ACTN3: variants seen among roughly 807,000 people sequenced by gnomAD.
ACTN3 encodes alpha-actinin-3.
Under a neutral mutation model 119.6 loss-of-function variants are expected in ACTN3, and 91 were observed. That is an observed-to-expected ratio of 0.76 (90% CI 0.64 to 0.91). ACTN3 has a LOEUF of 0.91. Among genes scored for constraint, ACTN3 ranks in the 40% least tolerant of loss-of-function variants. ACTN3 has a pLI of 0.00. For missense variants in ACTN3, 1,221 were observed against 1,215.1 expected (o/e 1.00, Z -0.07); for synonymous variants, 456 against 478.8 (o/e 0.95, Z 0.62).
chr11:66,559,709 G>A (rs1371558738), intron 12 of ACTN3, among the ~76,000 whole-genome samples: 1 of 122,544 alleles, frequency 8.2e-6, no homozygotes, highest in African/African-American at 3.1e-5. Context: ...CCCCTCCCAT[G>A]AACCCGCCCC....
chr11:66,561,919 G>A (rs1320567365), intron 17 of ACTN3, 103 bp from the exon 18 acceptor site: 3 of 1,405,846 alleles, frequency 2.1e-6, no homozygotes, highest in East Asian at 2.5e-5. Context: ...GCCCAGTGAG[G>A]GGGAGGACTT....
Position 66,560,072 on chromosome 11 carries a change from T to C in ACTN3, c.1532T>C (p.Leu511Pro), listed in dbSNP as rs767962909. The change falls in exon 13 of 21, where the codon CTA (leucine) becomes CCA (proline). Residue 511 changes from leucine to proline, a missense_variant. Physicochemically the swap from Leu to Pro is moderately conservative, Grantham distance 98 (BLOSUM62 -3). This residue lies in a region of ACTN3 where 934 missense variants were observed against 899.9 expected (regional missense o/e 1.04). Transcript: ENST00000513398. Reference sequence around the variant, plus strand: ...CTGACCCAGAAGAGGCGGGATGCGCTAGAGGTGGGGCTGGGGGCCGGGGAG... The same window carrying C: ...CTGACCCAGAAGAGGCGGGATGCGCCAGAGGTGGGGCTGGGGGCCGGGGAG... ...GTLTQKRRDA[L>P]ERMEKLLETI... 2.4e-5 allele frequency: 37 copies of C among 1,571,940 alleles called. No individual in the cohort carries two copies. The highest frequency in any genetic ancestry group is 1.3e-4 in the South Asian group (11 of 86,438).
At position 66,554,185 on chromosome 11, in the gene ACTN3, C is replaced by G; in HGVS notation, c.469+54C>G. ...AGGTGCAGTGGCTGGGGCCTGTAATCCCCACAGTTTGGGAGGTCGAGGCGG... is the reference window on the plus strand; with the variant it reads ...AGGTGCAGTGGCTGGGGCCTGTAATGCCCACAGTTTGGGAGGTCGAGGCGG... On this transcript the variant is annotated intron_variant, in intron 4 of 20. Transcript: ENST00000513398. 3 of 1,537,112 alleles carry G rather than the reference C, an allele frequency of 2.0e-6. No individual in the cohort carries two copies. In the Admixed American group the frequency reaches 5.1e-5, roughly 26 times the overall value.
rs372101780 is a variant in ACTN3, at chr11:66,560,232, C to A, written c.1598C>A (p.Ala533Glu). 5.6e-6 allele frequency: 9 copies of A among 1,612,384 alleles called. No individual in the cohort carries two copies. Among genetic ancestry groups the A allele is most frequent in the Non-Finnish European group, 7.6e-6 (9 of 1,179,294 alleles). The part of the protein sequence containing the change: ...RLQLEFARRA[A>E]PFNNWLDGAV... ...CAACTGGAGTTTGCCCGGCGGGCCGCGCCCTTCAACAACTGGCTGGATGGT... is the reference window on the plus strand; with the variant it reads ...CAACTGGAGTTTGCCCGGCGGGCCGAGCCCTTCAACAACTGGCTGGATGGT... Residue 533 changes from alanine (A) to glutamate (E), a missense_variant, in exon 14 of 21, where the codon GCG becomes GAG. Around this residue, in one of 3 missense-constraint regions of ACTN3, gnomAD observed 934 missense variants for 899.9 expected, o/e 1.04. Coordinates refer to ENST00000513398, the MANE Select transcript of ACTN3 (RefSeq NM_001104.4).
intron 5 of ACTN3, 152 bp downstream of exon 5, chr11:66,554,775 G>A: frequency 4.5e-6 from 1 of 223,132 alleles, no homozygotes; most frequent in South Asian, 1.6e-4. Flanking sequence ...TGTCTGAAAA[G>A]AGGGCTCAGT....
intron 5 of ACTN3, 64 bp downstream of exon 5, chr11:66,554,687 C>T: frequency 1.4e-6 from 2 of 1,397,002 alleles, no homozygotes; most frequent in Non-Finnish European, 2.0e-6. Flanking sequence ...GAGAGGAGCC[C>T]TCCCTGGTCA....
intron 17 of ACTN3, 92 bp from the exon 18 acceptor site, chr11:66,561,930 G>GC: frequency 6.7e-7 from 1 of 1,483,046 alleles, no homozygotes; most frequent in Non-Finnish European, 9.1e-7. Flanking sequence ...GGGAGGACTT[G>GC]CCCAGGGTCA....
intron 17 of ACTN3, 138 bp downstream of exon 17, chr11:66,561,775 G>A: frequency 2.6e-6 from 3 of 1,155,832 alleles, no homozygotes; most frequent in Non-Finnish European, 3.6e-6. Context: ...ACCCAGCGAT[G>A]GAAAGTGACC....
At chr11:66,559,596 T>C (rs1478996693) in intron 12 of ACTN3, among the ~76,000 whole-genome samples, 1 of 117,632 alleles carries the variant, frequency 8.5e-6, no homozygotes, top group Non-Finnish European at 1.7e-5. Context: ...CTCTTCCCAC[T>C]GGCGCTTGAC....
In ACTN3 at chr11:66,558,103, G is replaced by A. The variant is rs770542513; in HGVS notation, c.1205G>A (p.Arg402His). Reference sequence around the variant, plus strand: ...GACTGGCTGCTCTCGGAGATCCGGCGCCTGCAGCGACTCCAGCACCTGGCT... The same window carrying A: ...GACTGGCTGCTCTCGGAGATCCGGCACCTGCAGCGACTCCAGCACCTGGCT... ...YEDWLLSEIR[R>H]LQRLQHLAEK... Residue 402 changes from arginine (R) to histidine (H), a missense_variant, in exon 11 of 21, where the codon CGC becomes CAC. Arg to His is a conservative substitution (Grantham distance 29). Transcript: ENST00000513398. 1.6e-5 allele frequency: 26 copies of A among 1,613,724 alleles called. No individual in the cohort carries two copies. Among genetic ancestry groups the A allele is most frequent in the South Asian group, 2.2e-5 (2 of 91,086 alleles).
intron 15 of ACTN3, 98 bp from the exon 16 acceptor site, chr11:66,561,129 A>G: frequency 7.0e-7 from 1 of 1,430,944 alleles, no homozygotes; most frequent in African/African-American, 1.4e-5. Context: ...GTTGGCTCAA[A>G]GCAACAGGGG....
At chr11:66,551,190 C>A in intron 1 of ACTN3, 49 bp from the exon 2 acceptor site, 1 of 1,370,874 alleles carries the variant, frequency 7.3e-7, no homozygotes, top group Non-Finnish European at 1.0e-6. Flanking sequence ...CTGTGCCCTA[C>A]ATCCCCCAGA....
In ACTN3 at chr11:66,549,231, C is replaced by G. The variant is rs1857423876; in HGVS notation, c.148-2008C>G. ...GCACTTGCCTGCATGGCAGCCCCTG[C>G]CTGAAATGCCCTTGCCTGCCCTTCC... On this transcript the variant is annotated intron_variant, in intron 1 of 20. Transcript: ENST00000513398. 3.9e-5 allele frequency among the ~76,000 whole-genome samples: 6 copies of G among 152,200 alleles called. No homozygotes were observed. In the South Asian group the frequency reaches 1.2e-3, roughly 31 times the overall value.
chr11:66,553,302 C>G (rs368760322), intron 3 of ACTN3, among the ~76,000 whole-genome samples: 38 of 151,934 alleles, frequency 2.5e-4, no homozygotes, highest in African/African-American at 8.9e-4. Flanking sequence ...GACTGTAATC[C>G]CAGCACTTTG....
chr11:66,554,511 A>G, intron 4 of ACTN3, 25 bp from the exon 5 acceptor site: 3 of 1,579,044 alleles, frequency 1.9e-6, no homozygotes, highest in Non-Finnish European at 2.6e-6. Context: ...TTCCCAATGA[A>G]TCCTCCCACC....
chr11:66,553,053 GAGACCAGCCTGGCCAATAC>G (rs1487054397), intron 3 of ACTN3, among the ~76,000 whole-genome samples: 1 of 151,576 alleles, frequency 6.6e-6, no homozygotes, highest in Non-Finnish European at 1.5e-5. Flanking sequence ...TCAGGAGTTC[GAGACCAGCCTGGCCAATAC>G]AGTGAAATCC....
chr11:66,557,196 A>G lies in ACTN3; in HGVS notation c.868A>G (p.Met290Val), dbSNP rs1323644541. The G allele has an allele frequency of 6.4e-7, 1 of 1,553,584 alleles. No individual in the cohort carries two copies. Among genetic ancestry groups the G allele is most frequent in the Non-Finnish European group, 8.7e-7 (1 of 1,148,090 alleles). ...LAVNQENEKL[M>V]EEYEKLASEL... ...AGTGAACCAGGAAAACGAGAAGCTG[A>G]TGGAGGAGTATGAGAAGCTTGCCAG... Residue 290 changes from methionine (M) to valine (V), a missense_variant, in exon 9 of 21, where the codon ATG becomes GTG. Coordinates refer to ENST00000513398, the MANE Select transcript of ACTN3 (RefSeq NM_001104.4).
chr11:66,561,335 G>C lies in ACTN3; in HGVS notation c.1969G>C (p.Gly657Arg), dbSNP rs897083627. 1 of 1,611,924 alleles carries C rather than the reference G, an allele frequency of 6.2e-7. No homozygotes were observed. The highest frequency in any genetic ancestry group is 8.5e-7 in the Non-Finnish European group (1 of 1,179,164). ...GTTTGCGGCCCAGGCCAATGCCATT[G>C]GACCCTGGATCCAGGCGAAGGTGGA... ...RQFAAQANAI[G>R]PWIQAKVEEV... The change falls in exon 16 of 21, where the codon GGA becomes CGA. Residue 657 changes from glycine (G) to arginine (R), a missense_variant. By Grantham distance (125) the Gly-to-Arg change is moderately radical (BLOSUM62 -2). This residue lies in a region of ACTN3 where 934 missense variants were observed against 899.9 expected (regional missense o/e 1.04). Transcript: ENST00000513398.
chr11:66,552,369 CAA>C (rs35515266), intron 3 of ACTN3, among the ~76,000 whole-genome samples: 11 of 145,444 alleles, frequency 7.6e-5, no homozygotes, highest in Non-Finnish European at 7.6e-5. Context: ...GACTCCGTCT[CAA>C]AAAAAAAAAA....
Sources: allele counts gnomAD v4.1 joint callset (sites outside exome capture counted in the v4.1 genomes callset), GRCh38; gene constraint gnomAD v4.1.1; regional missense constraint gnomAD v4.1.1; transcripts MANE v1.5; gene names NCBI Gene and HGNC (gene_info 2026-07-23, HGNC 2026-07-21).